Variants in ABAT observed in about 807,000 individuals in gnomAD.
ABAT encodes 4-aminobutyrate aminotransferase, mitochondrial.
Under a neutral mutation model 64.6 loss-of-function variants are expected in ABAT, and 45 were observed. The ratio of observed to expected loss-of-function variants is 0.70; its 90% CI spans 0.55 to 0.89. The LOEUF (loss-of-function observed/expected upper bound fraction) is 0.89, where lower values mean the gene tolerates loss of function less well. ABAT is among the 40% of genes least tolerant of loss of function. ABAT has a pLI of 0.00. For missense variants in ABAT, 633 were observed against 658.4 expected (o/e 0.96, Z 0.42); for synonymous variants, 297 against 250.5 (o/e 1.19, Z -1.75).
At chr16:8,696,630 A>G (rs2057709162) in intron 1 of ABAT, among the ~76,000 whole-genome samples, 1 of 152,114 alleles carries the variant, frequency 6.6e-6, no homozygotes, top group Admixed American at 6.6e-5. Flanking sequence ...AAAAAAAAAT[A>G]AATAGAGAAG....
intron 1 of ABAT, among the ~76,000 whole-genome samples, chr16:8,702,717 G>GC (rs571323798): frequency 6.6e-6 from 1 of 151,804 alleles, no homozygotes; most frequent in Non-Finnish European, 1.5e-5. Context: ...GATTTGGGTG[G>GC]GACATGGATC....
intron 11 of ABAT, among the ~76,000 whole-genome samples, chr16:8,771,220 G>C (rs1052221064): frequency 6.6e-6 from 1 of 151,770 alleles, no homozygotes; most frequent in African/African-American, 2.4e-5. Flanking sequence ...ACTTGAACCC[G>C]GGAGGTGGTG....
At chr16:8,754,576 A>G (rs994845931) in intron 5 of ABAT, among the ~76,000 whole-genome samples, 1 of 152,170 alleles carries the variant, frequency 6.6e-6, no homozygotes, top group East Asian at 1.9e-4. Context: ...CACAAACTCC[A>G]TTTGACCATC....
At chr16:8,724,736 AAAAAAAAAAC>A (rs553209181) in intron 1 of ABAT, among the ~76,000 whole-genome samples, 3,765 of 11,100 alleles carry the variant, frequency 0.34, 371 homozygotes, top group Middle Eastern at 0.5. Flanking sequence ...CTCAGGAAAA[AAAAAAAAAAC>A]AAAAAAAAAA....
chr16:8,755,121 T>C (rs1408952062), intron 5 of ABAT, among the ~76,000 whole-genome samples: 3 of 151,946 alleles, frequency 2.0e-5, no homozygotes, highest in African/African-American at 4.8e-5. Flanking sequence ...CCCAAGAATA[T>C]AGTCGTTGAT....
intron 1 of ABAT, among the ~76,000 whole-genome samples, chr16:8,675,208 C>G (rs1028550435): frequency 3.3e-5 from 5 of 151,956 alleles, no homozygotes; most frequent in African/African-American, 9.7e-5. Context: ...AGCAGAGACT[C>G]TGCAAGTCAC....
At chr16:8,769,338 G>A (rs1037134433) in intron 11 of ABAT, among the ~76,000 whole-genome samples, 2 of 152,074 alleles carry the variant, frequency 1.3e-5, no homozygotes, top group Non-Finnish European at 2.9e-5. Flanking sequence ...AGGCTGAGAC[G>A]GGAGGATCAC....
At chr16:8,754,020 C>G (rs2059567459) in intron 5 of ABAT, among the ~76,000 whole-genome samples, 1 of 151,978 alleles carries the variant, frequency 6.6e-6, no homozygotes, top group African/African-American at 2.4e-5. Flanking sequence ...CATTCAACCT[C>G]TGGCCACATT....
At chr16:8,727,503 G>C (rs572649927) in intron 1 of ABAT, among the ~76,000 whole-genome samples, 32 of 152,220 alleles carry the variant, frequency 2.1e-4, no homozygotes, top group Admixed American at 3.3e-4. Flanking sequence ...ACCCCAGCCA[G>C]AAAGAATCTC....
intron 4 of ABAT, among the ~76,000 whole-genome samples, chr16:8,749,088 C>T (rs1442425741): frequency 3.3e-5 from 5 of 149,508 alleles, no homozygotes; most frequent in Non-Finnish European, 5.9e-5. Flanking sequence ...TCTTTTGTTC[C>T]TCTTTTTTTT....
chr16:8,711,011 A>G (rs1731090), intron 1 of ABAT, among the ~76,000 whole-genome samples: 104,901 of 152,044 alleles, frequency 0.69, 37,134 homozygotes, highest in East Asian at 0.89. Context: ...CATGATGGAT[A>G]TACCCAAGTT....
chr16:8,730,721 G>A (rs2058693923), intron 1 of ABAT, among the ~76,000 whole-genome samples: 1 of 152,020 alleles, frequency 6.6e-6, no homozygotes, highest in Non-Finnish European at 1.5e-5. Context: ...GGCTGCATGA[G>A]GAAAGGGCTG....
chr16:8,723,412 CAAGA>C (rs910204223), intron 1 of ABAT, among the ~76,000 whole-genome samples: 49 of 152,238 alleles, frequency 3.2e-4, no homozygotes, highest in African/African-American at 1.2e-3. Context: ...GCTTCTGTAC[CAAGA>C]AAGAGAGCCT....
chr16:8,735,851 G>T (rs904280183), intron 2 of ABAT, 42 bp downstream of exon 2: 5 of 1,538,038 alleles, frequency 3.3e-6, no homozygotes, highest in Non-Finnish European at 4.4e-6. Flanking sequence ...ACTAATGGAA[G>T]ATACCATCCA....
At chr16:8,710,211 T>G (rs1192839331) in intron 1 of ABAT, among the ~76,000 whole-genome samples, 1 of 152,188 alleles carries the variant, frequency 6.6e-6, no homozygotes, top group Non-Finnish European at 1.5e-5. Context: ...ACATGGAAAG[T>G]ACTTAGCTCA....
At position 8,743,444 on chromosome 16, in the gene ABAT, T is replaced by TATATATATATATACAC. The variant is rs368568293; in HGVS notation, c.71-2556_71-2555insTATATATATATACACA. 1.4e-4 allele frequency among the ~76,000 whole-genome samples: 17 copies of TATATATATATATACAC among 117,700 alleles called. 1 individual carries two copies. Among genetic ancestry groups the TATATATATATATACAC allele is most frequent in the African/African-American group, 5.6e-4 (15 of 26,778 alleles). 77.2% of individuals were successfully genotyped at this position (117,700 alleles called of 152,430 possible). On this transcript the variant is annotated intron_variant, in intron 2 of 15. Coordinates refer to ENST00000268251, the MANE Select transcript of ABAT (RefSeq NM_020686.6). ...ACAGTTATATATATATATATATATA[T>TATATATATATATACAC]ACACACATTTTATAATATATTATAT...
chr16:8,682,563 C>A (rs2057360267), intron 1 of ABAT, among the ~76,000 whole-genome samples: 1 of 151,734 alleles, frequency 6.6e-6, no homozygotes, highest in Admixed American at 6.6e-5. Context: ...CAGAATGCTC[C>A]CAACTCTATT....
At chr16:8,737,096 A>G (rs1285883760) in intron 2 of ABAT, 1 of 152,320 alleles carries the variant, frequency 6.6e-6, no homozygotes, top group Non-Finnish European at 1.5e-5. Context: ...CTTGGTCTGC[A>G]TGTTGAATGC....
At chr16:8,694,744 C>G (rs2141992022) in intron 1 of ABAT, among the ~76,000 whole-genome samples, 1 of 152,272 alleles carries the variant, frequency 6.6e-6, no homozygotes, top group South Asian at 2.1e-4. Flanking sequence ...AAAAGCGGCT[C>G]AAATTCCAGT....
Sources: gnomAD v4.1 joint callset for allele counts (sites outside exome capture counted in the v4.1 genomes callset) on GRCh38, gnomAD v4.1.1 for gene constraint, MANE v1.5 for transcripts, NCBI Gene and HGNC (gene_info 2026-07-23, HGNC 2026-07-21) for gene names.